Variants in MICU1 observed in about 807,000 individuals in gnomAD.
The protein encoded by MICU1 is calcium uptake protein 1, mitochondrial.
Under a neutral mutation model 56.8 loss-of-function variants are expected in MICU1, and 45 were observed. The ratio of observed to expected loss-of-function variants is 0.79; its 90% CI spans 0.62 to 1.02. MICU1 has a LOEUF of 1.02. Among genes scored for constraint, MICU1 ranks in the 50% least tolerant of loss-of-function variants. MICU1 has a pLI of 0.00. For synonymous variants in MICU1, 186 were observed against 195.1 expected, an observed-to-expected ratio of 0.95 and a Z score of 0.39; for missense variants, 504 against 587.1, an observed-to-expected ratio of 0.86 and a Z score of 1.46.
At chr10:72,622,392 T>C (rs1164640231) in intron 1 of MICU1, among the ~76,000 whole-genome samples, 2 of 152,034 alleles carry the variant, frequency 1.3e-5, no homozygotes, top group Admixed American at 6.6e-5. Flanking sequence ...ACTATATTCC[T>C]CTCCTTCCCA....
At chr10:72,504,559 C>T (rs749514448) in intron 6 of MICU1, among the ~76,000 whole-genome samples, 3 of 151,992 alleles carry the variant, frequency 2.0e-5, no homozygotes, top group Non-Finnish European at 4.4e-5. Context: ...TTCTAGACAT[C>T]AACTTTGGGG....
At chr10:72,585,075 G>A (rs2132514644) in intron 1 of MICU1, among the ~76,000 whole-genome samples, 1 of 150,262 alleles carries the variant, frequency 6.7e-6, no homozygotes, top group East Asian at 2.0e-4. Context: ...AACATCTTTG[G>A]TTTTAGGTTT....
intron 8 of MICU1, among the ~76,000 whole-genome samples, chr10:72,428,338 G>A (rs1324295400): frequency 6.6e-6 from 1 of 152,144 alleles, no homozygotes; most frequent in East Asian, 1.9e-4. Context: ...TTTTTGAGAT[G>A]GAGTTTTGCT....
intron 1 of MICU1, among the ~76,000 whole-genome samples, chr10:72,607,622 A>G (rs1159467584): frequency 6.8e-6 from 1 of 147,576 alleles, no homozygotes; most frequent in East Asian, 2.0e-4. Flanking sequence ...GGGCAACAAG[A>G]GCGAAACTCC....
At chr10:72,502,352 C>T (rs1190628740) in intron 6 of MICU1, among the ~76,000 whole-genome samples, 5 of 152,022 alleles carry the variant, frequency 3.3e-5, no homozygotes, top group South Asian at 2.1e-4. Flanking sequence ...GATGGGGTTT[C>T]GCCATGTTGG....
At chr10:72,618,853 T>G (rs1482756067) in intron 1 of MICU1, among the ~76,000 whole-genome samples, 1 of 152,212 alleles carries the variant, frequency 6.6e-6, no homozygotes, top group Admixed American at 6.5e-5. Flanking sequence ...TAAGAGAAAC[T>G]GAATTTTTTG....
At chr10:72,475,500 C>T (rs996935992) in intron 7 of MICU1, among the ~76,000 whole-genome samples, 4 of 151,714 alleles carry the variant, frequency 2.6e-5, no homozygotes, top group Non-Finnish European at 5.9e-5. Flanking sequence ...ACAAAATCAG[C>T]TCACTGCAAC....
chr10:72,529,997 A>T (rs73280982), intron 5 of MICU1, among the ~76,000 whole-genome samples: 7,231 of 142,436 alleles, frequency 0.051, 658 homozygotes, highest in African/African-American at 0.18. Context: ...TCAACACAGG[A>T]AGGTGCATTT....
intron 5 of MICU1, among the ~76,000 whole-genome samples, chr10:72,516,367 T>C (rs534127292): frequency 6.6e-6 from 1 of 152,212 alleles, no homozygotes; most frequent in Non-Finnish European, 1.5e-5. Flanking sequence ...GCAAACATTT[T>C]CTTCCATTCT....
rs539822272 is a variant in MICU1 at position 72,605,777 on chromosome 10, G to A, written c.-2+20233C>T. ...TGAGCATCTGTGGATTTTGGTATCCGAGGGGGTCCTGGAACCAATCCTCAC... is the reference window on the plus strand; with the variant it reads ...TGAGCATCTGTGGATTTTGGTATCCAAGGGGGTCCTGGAACCAATCCTCAC... On this transcript the variant is annotated intron_variant, in intron 1 of 11. Coordinates refer to ENST00000361114, the MANE Select transcript of MICU1 (RefSeq NM_001195518.2). Among the ~76,000 whole-genome samples the A allele has an allele frequency of 5.3e-5, 8 of 152,276 alleles. No individual in the cohort carries two copies. In the East Asian group the frequency reaches 1.4e-3, roughly 26 times the overall value.
intron 10 of MICU1, among the ~76,000 whole-genome samples, chr10:72,376,734 G>A (rs895987922): frequency 6.6e-6 from 1 of 152,116 alleles, no homozygotes; most frequent in Non-Finnish European, 1.5e-5. Flanking sequence ...ACTGCTTTAT[G>A]TATACAGAAT....
At chr10:72,592,348 C>A (rs1275871790) in intron 1 of MICU1, among the ~76,000 whole-genome samples, 1 of 151,974 alleles carries the variant, frequency 6.6e-6, no homozygotes, top group Non-Finnish European at 1.5e-5. Context: ...ATTCTCCCAA[C>A]AAAGAAAATT....
chr10:72,386,679 C>T (rs940683889), intron 10 of MICU1, among the ~76,000 whole-genome samples: 4 of 151,876 alleles, frequency 2.6e-5, no homozygotes, highest in Admixed American at 1.3e-4. Flanking sequence ...CCTGCCTCCG[C>T]CTCCTAAGTA....
chr10:72,612,620 G>A (rs1317745562), intron 1 of MICU1, among the ~76,000 whole-genome samples: 1 of 152,048 alleles, frequency 6.6e-6, no homozygotes, highest in Admixed American at 6.6e-5. Context: ...AAGATAGCAA[G>A]ACCCTGTCTC....
chr10:72,562,147 C>CTTTTTTTTTTTTTTTTTTT lies in MICU1; in HGVS notation c.330+729_330+747dup, dbSNP rs533702573. The stretch of plus-strand genomic sequence containing the variant: ...GCAGGTTGTGTTAATTACATAAAAT[C>CTTTTTTTTTTTTTTTTTTT]TTTTTTTTTTTTTTTTTTTTTTTTG... On this transcript the variant is annotated intron_variant, in intron 3 of 11. Coordinates refer to ENST00000361114, the MANE Select transcript of MICU1 (RefSeq NM_001195518.2). Among the ~76,000 whole-genome samples the CTTTTTTTTTTTTTTTTTTT allele has an allele frequency of 1.1e-4, 9 of 82,650 alleles. 1 individual carries two copies. Among genetic ancestry groups the CTTTTTTTTTTTTTTTTTTT allele is most frequent in the South Asian group, 4.7e-4 (1 of 2,114 alleles). 54.2% of individuals were successfully genotyped at this position (82,650 alleles called of 152,430 possible). A position where few individuals can be genotyped will look rare whatever the true frequency, so the allele number is the denominator to read the frequency against.
At chr10:72,471,349 G>C (rs374220150) in intron 8 of MICU1, among the ~76,000 whole-genome samples, 13 of 152,310 alleles carry the variant, frequency 8.5e-5, no homozygotes, top group African/African-American at 2.9e-4. Flanking sequence ...CTCCCAAAGT[G>C]CTGGGATTAC....
intron 1 of MICU1, among the ~76,000 whole-genome samples, chr10:72,606,584 G>T (rs1238093881): frequency 1.3e-5 from 2 of 151,730 alleles, no homozygotes; most frequent in Non-Finnish European, 2.9e-5. Flanking sequence ...GTAATACTGT[G>T]ATTTATAATA....
chr10:72,500,282 ATATATATATATATATATATATTTTTTTT>A (rs1867002347), intron 6 of MICU1, among the ~76,000 whole-genome samples: 19 of 14,044 alleles, frequency 1.4e-3, no homozygotes, highest in African/African-American at 2.3e-3. Context: ...ATATATATAT[ATATATATATATATATATATATTTTTTTT>A]TTTTTTTTTT....
Position 72,573,323 on chromosome 10 carries a change from A to AC in MICU1, c.-1-6530_-1-6529insG, listed in dbSNP as rs753121858. Among the ~76,000 whole-genome samples, 175 of 147,112 alleles carry AC rather than the reference A, an allele frequency of 1.2e-3. 2 individuals carry two copies. The highest frequency in any genetic ancestry group is 4.3e-3 in the African/African-American group (167 of 38,828). ...CCATCACTACAAAAAAAAAAAAAAA[A>AC]AAAAAAAAAAAACTAAGGCAACATA... On this transcript the variant is annotated intron_variant, in intron 1 of 11. Coordinates refer to ENST00000361114, the MANE Select transcript of MICU1 (RefSeq NM_001195518.2).
Sources: gnomAD v4.1 joint callset for allele counts (sites outside exome capture counted in the v4.1 genomes callset) on GRCh38, gnomAD v4.1.1 for gene constraint, MANE v1.5 for transcripts, NCBI Gene and HGNC (gene_info 2026-07-23, HGNC 2026-07-21) for gene names.